Variants in DMD observed in about 807,000 individuals in gnomAD.
The protein encoded by DMD is dystrophin.
DMD carries 63 observed loss-of-function variants against 330.1 expected under a neutral mutation model. That is an observed-to-expected ratio of 0.19 (90% CI 0.16 to 0.24). The LOEUF is 0.24. Among genes scored for constraint, DMD ranks in the 10% least tolerant of loss-of-function variants. The pLI is 1.00. For missense variants in DMD, 3,344 were observed against 2,684.1 expected (o/e 1.25, Z -5.43); for synonymous variants, 1,223 against 959.8 (o/e 1.27, Z -5.07).
chrX:33,089,806 G>A (rs954612887), intron 1 of DMD, among the ~76,000 whole-genome samples: 1 of 110,589 alleles, frequency 9.0e-6, no homozygotes, highest in African/African-American at 3.3e-5. Flanking sequence ...CTCTACAAAA[G>A]GACGTTTAAA....
Position 32,216,921 on chromosome X carries a change from G to T in DMD, c.6433C>A (p.Leu2145Ile), listed in dbSNP as rs760988537. The T allele has an allele frequency of 2.5e-6, 3 of 1,207,342 alleles. No homozygotes were observed. The highest frequency in any genetic ancestry group is 3.4e-6 in the Non-Finnish European group (3 of 892,471). ...AAAACAAATCAAAGACTTACCTTAA[G>T]ATACCATTTGTATTTAGCATGTTCC... is the stretch of plus-strand genomic sequence containing the variant. ...NWEHAKYKWY[L>I]KELQDGIGQR... The change falls in exon 44 of 79, where the codon CTT (leucine) becomes ATT (isoleucine). Residue 2145 changes from leucine (L) to isoleucine (I), a missense_variant. Coordinates refer to ENST00000357033, the MANE Select transcript of DMD (RefSeq NM_004006.3).
At chrX:31,515,173 A>G (rs775785245) in intron 55 of DMD, among the ~76,000 whole-genome samples, 33 of 112,009 alleles carry the variant, frequency 2.9e-4, no homozygotes, top group Admixed American at 9.5e-4. Context: ...GGGAGATGTC[A>G]AGAATTAGTG....
chrX:31,955,037 G>A (rs1004869394), intron 45 of DMD, among the ~76,000 whole-genome samples: 2 of 104,423 alleles, frequency 1.9e-5, no homozygotes, highest in Admixed American at 2.1e-4. Context: ...ATAGCTGGGT[G>A]TAGTAGCCCG....
chrX:33,102,331 T>A (rs902427523), intron 1 of DMD, among the ~76,000 whole-genome samples: 15 of 91,899 alleles, frequency 1.6e-4, no homozygotes, highest in African/African-American at 5.3e-4. Flanking sequence ...TTTTTTTTTT[T>A]AAGTATTCCA....
chrX:33,303,189 T>C (rs1234601585), intron 1 of DMD, among the ~76,000 whole-genome samples: 1 of 111,722 alleles, frequency 9.0e-6, no homozygotes, highest in African/African-American at 3.3e-5. Flanking sequence ...TGCTTCCAAA[T>C]TTTGGCAATG....
chrX:32,011,924 C>T (rs2095711918), intron 44 of DMD, among the ~76,000 whole-genome samples: 1 of 111,708 alleles, frequency 9.0e-6, no homozygotes, highest in African/African-American at 3.3e-5. Context: ...CTTCATAGTA[C>T]TACTATCTTA....
At chrX:31,421,757 C>T (rs1036043242) in intron 60 of DMD, among the ~76,000 whole-genome samples, 4 of 107,751 alleles carry the variant, frequency 3.7e-5, no homozygotes, top group African/African-American at 1.3e-4. Flanking sequence ...CAAATGAGAA[C>T]GTCTCAGCTA....
At chrX:33,259,607 CCCA>C (rs1204317522) in intron 1 of DMD, among the ~76,000 whole-genome samples, 25 of 72,994 alleles carry the variant, frequency 3.4e-4, no homozygotes, top group African/African-American at 9.2e-4. Flanking sequence ...GCCCCCCCCC[CCCA>C]AAAAAAAAAA....
chrX:32,551,155 C>T (rs1431060296), intron 16 of DMD, among the ~76,000 whole-genome samples: 1 of 110,851 alleles, frequency 9.0e-6, no homozygotes, highest in Non-Finnish European at 1.9e-5. Context: ...TGTCCTGATA[C>T]CAAAACCTGG....
intron 43 of DMD, among the ~76,000 whole-genome samples, chrX:32,221,088 A>T (rs959914044): frequency 5.4e-5 from 6 of 111,653 alleles, no homozygotes; most frequent in Non-Finnish European, 1.1e-4. Context: ...TCTCAAGCAT[A>T]AATTACATTT....
At chrX:32,138,465 C>T (rs1205139005) in intron 44 of DMD, among the ~76,000 whole-genome samples, 1 of 111,957 alleles carries the variant, frequency 8.9e-6, no homozygotes, top group East Asian at 2.8e-4. Context: ...TCAGCTAGCA[C>T]ATTATCTGAT....
intron 44 of DMD, among the ~76,000 whole-genome samples, chrX:32,071,041 CA>C (rs2096293337): frequency 9.0e-6 from 1 of 111,354 alleles, no homozygotes; most frequent in Admixed American, 9.5e-5. Flanking sequence ...ATATGTGCCA[CA>C]TTTTCTTAAT....
intron 7 of DMD, among the ~76,000 whole-genome samples, chrX:32,786,965 AT>A (rs5902037): frequency 0.34 from 37,762 of 110,502 alleles, 4,882 homozygotes; most frequent in African/African-American, 0.44. Flanking sequence ...CAATATTACT[AT>A]GTATGTATTA....
At chrX:31,325,294 A>T (rs2056700139) in intron 61 of DMD, among the ~76,000 whole-genome samples, 1 of 110,222 alleles carries the variant, frequency 9.1e-6, no homozygotes, top group Non-Finnish European at 1.9e-5. Context: ...AGTAAATAAG[A>T]TCTGATTTAA....
intron 47 of DMD, among the ~76,000 whole-genome samples, chrX:31,882,972 C>T (rs1317306970): frequency 1.8e-5 from 2 of 111,336 alleles, no homozygotes; most frequent in Admixed American, 9.6e-5. Flanking sequence ...CATTGTACTT[C>T]CACGTATATT....
At chrX:33,010,043 CAT>C (rs1491244777) in intron 2 of DMD, among the ~76,000 whole-genome samples, 6 of 61,091 alleles carry the variant, frequency 9.8e-5, no homozygotes, top group Admixed American at 4.9e-4. Context: ...TGTATATACA[CAT>C]GTGTATATAT....
intron 2 of DMD, among the ~76,000 whole-genome samples, chrX:32,914,072 C>T (rs1262345324): frequency 2.7e-5 from 3 of 111,632 alleles, no homozygotes; most frequent in Non-Finnish European, 5.6e-5. Flanking sequence ...TAAAGAAATC[C>T]AAACTAAGAC....
At chrX:33,118,197 G>C (rs1246734875) in intron 1 of DMD, among the ~76,000 whole-genome samples, 1 of 101,491 alleles carries the variant, frequency 9.9e-6, no homozygotes, top group Non-Finnish European at 2.0e-5. Flanking sequence ...TGCAAGCTCC[G>C]CCTCCCGGGT....
At chrX:31,833,311 AGAGAGGGAGAGAGG>A (rs2093105971) in intron 49 of DMD, among the ~76,000 whole-genome samples, 1 of 65,856 alleles carries the variant, frequency 1.5e-5, no homozygotes, top group East Asian at 6.0e-4. Context: ...GGAGAGAGGG[AGAGAGGGAGAGAGG>A]GAGAGAGGGA....
Sources: gnomAD v4.1 joint callset for allele counts (sites outside exome capture counted in the v4.1 genomes callset) on GRCh38, gnomAD v4.1.1 for gene constraint, MANE v1.5 for transcripts, NCBI Gene and HGNC (gene_info 2026-07-23, HGNC 2026-07-21) for gene names.